Variants in AGBL1 observed in about 807,000 individuals in gnomAD.
AGBL1 encodes AGBL carboxypeptidase 1, also known as cytosolic carboxypeptidase 4.
A neutral mutation model predicts 118.9 loss-of-function variants in AGBL1; 130 were observed. That is an observed-to-expected ratio of 1.09 (90% confidence interval 0.95 to 1.26). AGBL1 has a LOEUF of 1.26. AGBL1 is among the 50% of genes most tolerant of loss of function. The pLI, the probability that AGBL1 is intolerant of heterozygous loss-of-function variation, is 0.00. For missense variants in AGBL1, 1,584 were observed against 1,298.1 expected, an observed-to-expected ratio of 1.22 and a Z score of -3.38; for synonymous variants, 555 against 478.9, an observed-to-expected ratio of 1.16 and a Z score of -2.08.
At chr15:86,344,566 C>T (rs1398669937) in intron 17 of AGBL1, among the ~76,000 whole-genome samples, 1 of 151,792 alleles carries the variant, frequency 6.6e-6, no homozygotes, top group African/African-American at 2.4e-5. Context: ...AGTGAGGGCT[C>T]TGAGGTTGAT....
rs1019545562 is a variant in AGBL1, at chr15:86,445,409, G to A, written c.2555+47863G>A. On this transcript the variant is annotated intron_variant, in intron 18 of 22. Coordinates refer to ENST00000614907, the MANE Select transcript of AGBL1 (RefSeq NM_001386094.1). ...AGCCAAAGCAGGAGCAGCCCTCAGT[G>A]AAGGCTTGGTCAGGGGAACTTCCCT... 1.4e-4 allele frequency among the ~76,000 whole-genome samples: 22 copies of A among 152,356 alleles called. 1 individual carries two copies. Among genetic ancestry groups the A allele is most frequent in the African/African-American group, 5.3e-4 (22 of 41,574 alleles).
intron 22 of AGBL1, among the ~76,000 whole-genome samples, chr15:86,682,115 A>T (rs909922075): frequency 2.0e-5 from 3 of 152,186 alleles, no homozygotes; most frequent in African/African-American, 7.2e-5. Flanking sequence ...CATAGTATGA[A>T]ATATCTGAGA....
At chr15:86,847,178 T>C (rs2079331792) in intron 22 of AGBL1, among the ~76,000 whole-genome samples, 1 of 152,204 alleles carries the variant, frequency 6.6e-6, no homozygotes, top group Non-Finnish European at 1.5e-5. Context: ...TTAAGCATAG[T>C]GTTGTTTAGT....
At chr15:86,376,381 G>A (rs1027553204) in intron 17 of AGBL1, among the ~76,000 whole-genome samples, 9 of 152,188 alleles carry the variant, frequency 5.9e-5, no homozygotes, top group Non-Finnish European at 5.9e-5. Flanking sequence ...CTCACTGAAA[G>A]TTATTACACT....
intron 18 of AGBL1, among the ~76,000 whole-genome samples, chr15:86,436,508 G>C (rs934606062): frequency 9.2e-5 from 14 of 152,010 alleles, no homozygotes; most frequent in Non-Finnish European, 1.9e-4. Context: ...GAGTTTCAGG[G>C]CCAGGAAACT....
intron 22 of AGBL1, among the ~76,000 whole-genome samples, chr15:86,793,987 A>G (rs764563253): frequency 1.3e-5 from 2 of 152,240 alleles, no homozygotes; most frequent in Non-Finnish European, 2.9e-5. Context: ...CTGGAAACTT[A>G]ATACATTGCT....
chr15:86,261,614 AT>A (rs10550603), intron 9 of AGBL1, among the ~76,000 whole-genome samples: 7,067 of 149,910 alleles, frequency 0.047, 495 homozygotes, highest in African/African-American at 0.15. Flanking sequence ...AACATATGGT[AT>A]TTTTTTTTTC....
intron 6 of AGBL1, among the ~76,000 whole-genome samples, chr15:86,244,512 G>A (rs983777289): frequency 6.9e-6 from 1 of 145,984 alleles, no homozygotes; most frequent in Non-Finnish European, 1.5e-5. Flanking sequence ...AAAGATTGAC[G>A]GGTGTAGGGT....
At chr15:87,024,586 T>C (rs553902011) in intron 24 of AGBL1, among the ~76,000 whole-genome samples, 13 of 152,070 alleles carry the variant, frequency 8.5e-5, no homozygotes, top group South Asian at 4.1e-4. Flanking sequence ...ACCAATCCGA[T>C]TGACACTATT....
chr15:86,571,102 C>G (rs1293407942), intron 21 of AGBL1, among the ~76,000 whole-genome samples: 1 of 152,140 alleles, frequency 6.6e-6, no homozygotes, highest in Admixed American at 6.5e-5. Flanking sequence ...AAGCAGCTTC[C>G]CTGGCTGGCA....
intron 17 of AGBL1, among the ~76,000 whole-genome samples, chr15:86,345,149 T>C (rs2080516962): frequency 6.6e-6 from 1 of 152,134 alleles, no homozygotes; most frequent in Admixed American, 6.6e-5. Flanking sequence ...GCTTGAGCTT[T>C]ATATTAACCA....
chr15:86,451,333 T>C (rs1343629514), intron 18 of AGBL1, among the ~76,000 whole-genome samples: 1 of 152,152 alleles, frequency 6.6e-6, no homozygotes, highest in Non-Finnish European at 1.5e-5. Context: ...ACATCTAAAG[T>C]GTAGGAAGTT....
chr15:86,624,497 T>C (rs1006326939), intron 21 of AGBL1, among the ~76,000 whole-genome samples: 1 of 152,206 alleles, frequency 6.6e-6, no homozygotes, highest in Non-Finnish European at 1.5e-5. Context: ...TCTGAGTCAT[T>C]TCCTGTGGCC....
intron 22 of AGBL1, among the ~76,000 whole-genome samples, chr15:86,706,897 A>T (rs1261958529): frequency 6.6e-6 from 1 of 152,140 alleles, no homozygotes; most frequent in Non-Finnish European, 1.5e-5. Flanking sequence ...CCAGTTACTC[A>T]TCTATGACAC....
intron 18 of AGBL1, among the ~76,000 whole-genome samples, chr15:86,475,945 C>T (rs1234956675): frequency 6.6e-6 from 1 of 152,156 alleles, no homozygotes; most frequent in Non-Finnish European, 1.5e-5. Context: ...AACGAATTTT[C>T]AACCCAGAAT....
chr15:86,286,272 G>T (rs977693144), intron 16 of AGBL1, among the ~76,000 whole-genome samples: 1 of 151,900 alleles, frequency 6.6e-6, no homozygotes, highest in Non-Finnish European at 1.5e-5. Context: ...ACCAATAAAC[G>T]TATCTATCAC....
chr15:86,266,168 A>G (rs898378101), intron 11 of AGBL1, among the ~76,000 whole-genome samples: 2 of 152,136 alleles, frequency 1.3e-5, no homozygotes, highest in Admixed American at 1.3e-4. Context: ...CCTACTTCTT[A>G]TGCAGTTTTA....
At chr15:87,017,064 T>C (rs1594752) in intron 24 of AGBL1, among the ~76,000 whole-genome samples, 150,927 of 152,188 alleles carry the variant, frequency 0.99, 74,894 homozygotes, top group Middle Eastern at 1. Flanking sequence ...ACTTCCACAA[T>C]ACCTCACAAG....
chr15:86,242,136 G>A (rs1433878970), intron 6 of AGBL1, among the ~76,000 whole-genome samples: 2 of 152,086 alleles, frequency 1.3e-5, no homozygotes, highest in African/African-American at 2.4e-5. Context: ...GGCCTCCCCA[G>A]CCTCACAATT....
Sources: allele counts gnomAD v4.1 joint callset (sites outside exome capture counted in the v4.1 genomes callset), GRCh38; gene constraint gnomAD v4.1.1; transcripts MANE v1.5; gene names NCBI Gene and HGNC (gene_info 2026-07-23, HGNC 2026-07-21).